Variants in SAG observed in about 807,000 individuals in gnomAD.
SAG encodes the protein S-antigen visual arrestin, also known as S-arrestin.
SAG carries 45 observed loss-of-function variants against 55.0 expected under a neutral mutation model. That is an observed-to-expected ratio of 0.82 (90% confidence interval 0.64 to 1.05). SAG has a LOEUF of 1.05. Among genes scored for constraint, SAG ranks in the 50% least tolerant of loss-of-function variants. SAG has a pLI of 0.00. For synonymous variants in SAG, 189 were observed against 197.4 expected, an observed-to-expected ratio of 0.96 and a Z score of 0.36; for missense variants, 455 against 512.1, an observed-to-expected ratio of 0.89 and a Z score of 1.08.
chr2:233,324,528 G>A (rs1174466627), intron 6 of SAG, among the ~76,000 whole-genome samples: 7 of 152,252 alleles, frequency 4.6e-5, no homozygotes, highest in Admixed American at 4.6e-4. Context: ...GGAGCCATTG[G>A]CAGGCTGTGA....
intron 13 of SAG, among the ~76,000 whole-genome samples, chr2:233,341,220 T>A (rs556732057): frequency 6.6e-6 from 1 of 152,300 alleles, no homozygotes; most frequent in Non-Finnish European, 1.5e-5. Flanking sequence ...CTTGGCTCAG[T>A]GCAACCTCTG....
chr2:233,320,494 A>G, intron 4 of SAG, 136 bp from the exon 5 acceptor site: 1 of 611,140 alleles, frequency 1.6e-6, no homozygotes, highest in Admixed American at 3.6e-5. Context: ...GCTGGGTGGC[A>G]GGGTTCTCTC....
chr2:233,342,310 T>G lies in SAG; in HGVS notation c.1086T>G (p.Pro362=), dbSNP rs773749465. The change falls in exon 14 of 16, where the codon CCT becomes CCG. Residue 362 remains proline, a synonymous_variant. Transcript: ENST00000409110. ...ATEVPFRLMH[P]QPEDPAKESY... Reference sequence around the variant, plus strand: ...AGGTCCCATTCCGCCTCATGCACCCTCAGCCTGAGGACCCAGGTCAGTTAT... The same window carrying G: ...AGGTCCCATTCCGCCTCATGCACCCGCAGCCTGAGGACCCAGGTCAGTTAT... The G allele has an allele frequency of 6.2e-7, 1 of 1,608,362 alleles. No homozygotes were observed.
Position 233,320,790 on chromosome 2 carries a change from G to T in SAG, c.342G>T (p.Lys114Asn), listed in dbSNP as rs1700358069. The change falls in exon 5 of 16, where the codon AAG (lysine) becomes AAT (asparagine). Residue 114 changes from lysine (K) to asparagine (N), a missense_variant. Coordinates refer to ENST00000409110, the MANE Select transcript of SAG (RefSeq NM_000541.5). ...PTKLQESLLK[K>N]LGSNTYPFLL... ...AACTGCAAGAGAGCCTGCTTAAAAA[G>T]CTGGGGAGCAACACGTACCCCTTTC... The T allele has an allele frequency of 1.2e-6, 2 of 1,603,630 alleles. No homozygotes were observed. The highest frequency in any genetic ancestry group is 1.7e-6 in the Non-Finnish European group (2 of 1,175,088).
At chr2:233,339,164 C>T (rs1182801858) in intron 12 of SAG, among the ~76,000 whole-genome samples, 1 of 152,220 alleles carries the variant, frequency 6.6e-6, no homozygotes, top group Admixed American at 6.5e-5. Flanking sequence ...GGACTTTCCC[C>T]TCCCCTCTCA....
At chr2:233,317,693 A>G (rs556258197) in intron 3 of SAG, among the ~76,000 whole-genome samples, 2 of 152,370 alleles carry the variant, frequency 1.3e-5, no homozygotes, top group South Asian at 4.1e-4. Context: ...AAAATTGGAA[A>G]CAACCTAGAT....
At chr2:233,334,837 A>T (rs1445589979) in intron 10 of SAG, 125 bp from the exon 11 acceptor site, 4 of 1,157,772 alleles carry the variant, frequency 3.5e-6, no homozygotes, top group Non-Finnish European at 5.0e-6. Context: ...AGGCTCTTGA[A>T]CCCACCTTCC....
In SAG at chr2:233,319,516, TG is replaced by T; in HGVS notation, c.181+723del. On this transcript the variant is annotated intron_variant, in intron 4 of 15. Transcript: ENST00000409110. The surrounding 1 kb of genome is among the most constrained non-coding windows in gnomAD (Gnocchi z 4.4). ...AATATGCCTTTTTGAGTGTTGCTAC[TG>T]GCAACATCAAGGAATTGTTCAGAAC... 1 of 889,170 alleles carries T rather than the reference TG, an allele frequency of 1.1e-6. No individual in the cohort carries two copies. Among genetic ancestry groups the T allele is most frequent in the Non-Finnish European group, 1.4e-6 (1 of 739,810 alleles). The allele number at this position is 889,170 out of a possible 1,614,324, so 55.1% of individuals were successfully genotyped here. A position where few individuals can be genotyped will look rare whatever the true frequency, so the allele number is the denominator to read the frequency against.
intron 9 of SAG, 78 bp from the exon 10 acceptor site, chr2:233,331,562 T>C: frequency 1.1e-6 from 1 of 881,446 alleles, no homozygotes; most frequent in Non-Finnish European, 1.9e-6. Flanking sequence ...GACCAGCGTG[T>C]ACCCTGGGAG....
rs77281378 is a variant in SAG at position 233,336,754 on chromosome 2, C to T, written c.944+1655C>T. ...TTGCAGGGTGTTCTCAGGCACGTGG[C>T]AGAGCATGTTCAGTTCAGCAGCTGC... On this transcript the variant is annotated intron_variant, in intron 11 of 15. Transcript: ENST00000409110. 3.1e-3 allele frequency among the ~76,000 whole-genome samples: 470 copies of T among 152,202 alleles called. 4 individuals carry two copies. In the East Asian group the frequency reaches 0.034, roughly 11 times the overall value.
At chr2:233,328,859 G>A (rs1158252996) in intron 8 of SAG, 7 of 440,214 alleles carry the variant, frequency 1.6e-5, no homozygotes, top group African/African-American at 4.0e-5. Flanking sequence ...AGGGACTGGG[G>A]AAGGAAGGGG....
At chr2:233,337,858 C>T (rs138824933) in intron 11 of SAG, among the ~76,000 whole-genome samples, 1 of 152,266 alleles carries the variant, frequency 6.6e-6, no homozygotes, top group African/African-American at 2.4e-5. Flanking sequence ...TACTCATGTC[C>T]TCCGCGTTGG....
At chr2:233,327,362 A>C in intron 7 of SAG, 165 bp downstream of exon 7, 1 of 532,768 alleles carries the variant, frequency 1.9e-6, no homozygotes, top group Non-Finnish European at 3.4e-6. Flanking sequence ...TTTTTGGGGA[A>C]AAAAAAGAAA....
In SAG at chr2:233,328,535, C is replaced by G; in HGVS notation, c.570C>G (p.Pro190=). The G allele has an allele frequency of 6.2e-7, 1 of 1,613,950 alleles. No homozygotes were observed. The highest frequency in any genetic ancestry group is 8.5e-7 in the Non-Finnish European group (1 of 1,179,826). ...AGCATGCCCCACTTGAGATGGGTCCCCAGCCCCGAGCTGAGGCGGCCTGGC... is the reference window on the plus strand; with the variant it reads ...AGCATGCCCCACTTGAGATGGGTCCGCAGCCCCGAGCTGAGGCGGCCTGGC... ...KVQHAPLEMG[P]QPRAEAAWQF... is the part of the protein sequence containing the mutation. Residue 190 remains proline (P), a synonymous_variant, in exon 8 of 16, where the codon CCC becomes CCG. Coordinates refer to ENST00000409110, the MANE Select transcript of SAG (RefSeq NM_000541.5).
At chr2:233,317,799 G>C (rs1006302321) in intron 3 of SAG, among the ~76,000 whole-genome samples, 4 of 151,926 alleles carry the variant, frequency 2.6e-5, no homozygotes, top group Non-Finnish European at 4.4e-5. Flanking sequence ...TTCTCTATAT[G>C]TGTGTGTGTG....
intron 6 of SAG, among the ~76,000 whole-genome samples, chr2:233,325,055 G>A (rs1344787136): frequency 2.6e-5 from 4 of 152,070 alleles, no homozygotes; most frequent in Middle Eastern, 3.4e-3. Context: ...GCAAAACCCC[G>A]TCTCTACTAA....
chr2:233,326,312 C>T (rs974763652), intron 6 of SAG, among the ~76,000 whole-genome samples: 9 of 152,218 alleles, frequency 5.9e-5, no homozygotes, highest in African/African-American at 9.6e-5. Flanking sequence ...GCTGGCTGGG[C>T]GCGATGGCTC....
intron 5 of SAG, among the ~76,000 whole-genome samples, chr2:233,321,986 TACACACACACACACACACAC>T (rs57822347): frequency 0.054 from 7,149 of 133,322 alleles, 588 homozygotes; most frequent in African/African-American, 0.18. Context: ...CTACTAAAAA[TACACACACACACACACACAC>T]ACACACACAC....
rs372527059 is a variant in SAG, at chr2:233,328,640, G to T, written c.648+27G>T. On this transcript the variant is annotated intron_variant, in intron 8 of 15. Coordinates refer to ENST00000409110, the MANE Select transcript of SAG (RefSeq NM_000541.5). ...TAACCACCTACCATCGCTACTACCC[G>T]CAGGGCAGCAGGCCTAGGGGCAGGC... 11 of 1,586,832 alleles carry T rather than the reference G, an allele frequency of 6.9e-6. No individual in the cohort carries two copies. In the South Asian group the frequency reaches 9.1e-5, roughly 13 times the overall value.
Sources: gnomAD v4.1 joint callset for allele counts (sites outside exome capture counted in the v4.1 genomes callset) on GRCh38, gnomAD v4.1.1 for gene constraint, Gnocchi (gnomAD v3.1) non-coding constraint, MANE v1.5 for transcripts, NCBI Gene and HGNC (gene_info 2026-07-23, HGNC 2026-07-21) for gene names.